FYB2: variants seen among roughly 807,000 people sequenced by gnomAD.
FYB2 encodes FYN-binding protein 2.
Under a neutral mutation model 94.1 loss-of-function variants are expected in FYB2, and 103 were observed. The ratio of observed to expected loss-of-function variants is 1.09; its 90% CI spans 0.93 to 1.29. FYB2 has a LOEUF of 1.29. FYB2 is among the 50% of genes most tolerant of loss of function. The pLI, the probability that FYB2 is intolerant of heterozygous loss-of-function variation, is 0.00. For synonymous variants in FYB2, 293 were observed against 287.9 expected (o/e 1.02, Z -0.18); for missense variants, 896 against 841.5 (o/e 1.06, Z -0.80).
intron 12 of FYB2, 51 bp downstream of exon 12, chr1:56,742,110 A>AGAC: frequency 6.6e-7 from 1 of 1,520,004 alleles, no homozygotes; most frequent in Non-Finnish European, 9.1e-7. Flanking sequence ...TGGCTTTACT[A>AGAC]GACTAACAGG....
chr1:56,722,492 A>C (rs1453366827), intron 17 of FYB2, among the ~76,000 whole-genome samples: 2 of 152,068 alleles, frequency 1.3e-5, no homozygotes, highest in African/African-American at 4.8e-5. Context: ...TTTAATTAGA[A>C]GATTTGGGCA....
chr1:56,765,094 A>G (rs1361817078), intron 5 of FYB2, among the ~76,000 whole-genome samples: 1 of 152,192 alleles, frequency 6.6e-6, no homozygotes, highest in African/African-American at 2.4e-5. Flanking sequence ...AGAAAACAGC[A>G]CCTCATCACT....
At position 56,719,516 on chromosome 1, in the gene FYB2, GTTTTTA is replaced by G; in HGVS notation, c.*149_*154del. On this transcript the variant is annotated 3_prime_UTR_variant, in exon 20 of 20. Coordinates refer to ENST00000343433, the MANE Select transcript of FYB2 (RefSeq NM_001004303.5). The stretch of plus-strand genomic sequence containing the variant: ...ACCAACATCTAAATGTTGAGGATTT[GTTTTTA>G]TTTTTCTCTTTTAAGTTCAGAACGA... The G allele has an allele frequency of 3.2e-6, 2 of 626,322 alleles. No individual in the cohort carries two copies. Among genetic ancestry groups the G allele is most frequent in the Non-Finnish European group, 5.3e-6 (2 of 375,752 alleles). 38.8% of individuals were successfully genotyped at this position (626,322 alleles called of 1,614,324 possible).
intron 5 of FYB2, among the ~76,000 whole-genome samples, chr1:56,765,954 G>A (rs1570064810): frequency 6.6e-6 from 1 of 152,158 alleles, no homozygotes; most frequent in Non-Finnish European, 1.5e-5. Flanking sequence ...ACTTGCAGGG[G>A]GGTGGATTCT....
intron 8 of FYB2, among the ~76,000 whole-genome samples, chr1:56,752,547 G>T (rs772744276): frequency 1.4e-4 from 21 of 152,032 alleles, no homozygotes; most frequent in Non-Finnish European, 2.4e-4. Context: ...AAGAGGAGGG[G>T]CATTCTTTTA....
intron 1 of FYB2, among the ~76,000 whole-genome samples, chr1:56,817,446 C>T (rs1274522417): frequency 1.3e-5 from 2 of 152,174 alleles, no homozygotes; most frequent in African/African-American, 2.4e-5. Flanking sequence ...CCTGACCATC[C>T]TTATACCCTT....
chr1:56,806,867 T>C (rs1646659387), intron 1 of FYB2, among the ~76,000 whole-genome samples: 1 of 152,178 alleles, frequency 6.6e-6, no homozygotes, highest in South Asian at 2.1e-4. Flanking sequence ...TACCCTCAGG[T>C]GCCAAGTTCA....
intron 1 of FYB2, among the ~76,000 whole-genome samples, chr1:56,818,091 C>T (rs1646923907): frequency 6.6e-6 from 1 of 152,126 alleles, no homozygotes; most frequent in African/African-American, 2.4e-5. Flanking sequence ...AAGTCAGTTT[C>T]CTTTTCTTAC....
chr1:56,758,376 C>T (rs1270637526), intron 6 of FYB2, among the ~76,000 whole-genome samples: 29 of 151,964 alleles, frequency 1.9e-4, no homozygotes, highest in Non-Finnish European at 4.0e-4. Flanking sequence ...GAAAGCATGC[C>T]CTAAGGGGTC....
chr1:56,779,628 G>A (rs752037320), intron 4 of FYB2, among the ~76,000 whole-genome samples: 1 of 152,136 alleles, frequency 6.6e-6, no homozygotes, highest in Non-Finnish European at 1.5e-5. Flanking sequence ...AGTGGAAGAT[G>A]ATATCATTCT....
intron 5 of FYB2, among the ~76,000 whole-genome samples, chr1:56,759,384 G>A (rs528624079): frequency 2.0e-5 from 3 of 152,050 alleles, no homozygotes; most frequent in Non-Finnish European, 2.9e-5. Flanking sequence ...AAACCTAGAC[G>A]GTATAGCCTA....
chr1:56,731,344 T>A (rs1644705405), intron 15 of FYB2, among the ~76,000 whole-genome samples: 1 of 152,106 alleles, frequency 6.6e-6, no homozygotes, highest in African/African-American at 2.4e-5. Flanking sequence ...TTTAAAATAT[T>A]TTTTTAAATT....
chr1:56,792,390 C>G lies in FYB2; in HGVS notation c.423G>C (p.Trp141Cys). The G allele has an allele frequency of 6.2e-7, 1 of 1,614,142 alleles. No individual in the cohort carries two copies. The highest frequency in any genetic ancestry group is 8.5e-7 in the Non-Finnish European group (1 of 1,180,016). Residue 141 changes from tryptophan to cysteine, a missense_variant, in exon 2 of 20, where the codon TGG becomes TGC. Transcript: ENST00000343433. Reference protein sequence around the residue: ...MVANSFRNKLWNWEKVSSQKS... With the variant: ...MVANSFRNKLCNWEKVSSQKS... ...TCTGAGATGAAACCTTCTCCCAGTT[C>G]CAGAGTTTGTTTCTGAAGCTATTGG...
intron 15 of FYB2, among the ~76,000 whole-genome samples, chr1:56,734,643 T>C (rs1298757752): frequency 2.0e-5 from 3 of 151,816 alleles, no homozygotes; most frequent in Non-Finnish European, 2.9e-5. Context: ...GTGGGGAACA[T>C]CACACACTGG....
chr1:56,735,754 T>C (rs148313001), intron 15 of FYB2, among the ~76,000 whole-genome samples: 7 of 152,256 alleles, frequency 4.6e-5, no homozygotes, highest in African/African-American at 1.7e-4. Context: ...TATGTGCCTC[T>C]TCCCCTTCTG....
At chr1:56,727,471 A>G (rs1441477272) in intron 15 of FYB2, among the ~76,000 whole-genome samples, 2 of 152,090 alleles carry the variant, frequency 1.3e-5, no homozygotes, top group African/African-American at 4.8e-5. Flanking sequence ...GGATAAATGA[A>G]TTATGGTATA....
chr1:56,764,455 C>T (rs370424746), intron 5 of FYB2, among the ~76,000 whole-genome samples: 3 of 150,678 alleles, frequency 2.0e-5, no homozygotes, highest in South Asian at 4.2e-4. Flanking sequence ...TTGGTAGTTA[C>T]TATTGTTTAT....
At chr1:56,816,863 C>CTTTT (rs11415687) in intron 1 of FYB2, among the ~76,000 whole-genome samples, 1 of 140,164 alleles carries the variant, frequency 7.1e-6, no homozygotes, top group African/African-American at 2.7e-5. Flanking sequence ...CAACAATTTT[C>CTTTT]TTTTTTTTTT....
chr1:56,820,006 T>A (rs537031211), upstream of FYB2, among the ~76,000 whole-genome samples: 1 of 152,204 alleles, frequency 6.6e-6, no homozygotes, highest in African/African-American at 2.4e-5. Flanking sequence ...GGTGTGTGGA[T>A]CACTTGAGGT....
Sources: gnomAD v4.1 joint callset for allele counts (sites outside exome capture counted in the v4.1 genomes callset) on GRCh38, gnomAD v4.1.1 for gene constraint, MANE v1.5 for transcripts, NCBI Gene and HGNC (gene_info 2026-07-23, HGNC 2026-07-21) for gene names.